The following APBA1 variants were observed in gnomAD, a reference collection of about 807,000 sequenced individuals.
The protein encoded by APBA1 is amyloid beta precursor protein binding family A member 1.
APBA1 carries 55 observed loss-of-function variants against 86.6 expected under a neutral mutation model. That is an observed-to-expected ratio of 0.64 (90% CI 0.51 to 0.80). The LOEUF (loss-of-function observed/expected upper bound fraction) is 0.80, where lower values mean the gene tolerates loss of function less well. Among genes scored for constraint, APBA1 ranks in the 30% least tolerant of loss-of-function variants. APBA1 has a pLI of 0.00. For missense variants in APBA1, 1,090 were observed against 1,183.0 expected, an observed-to-expected ratio of 0.92 and a Z score of 1.15; for synonymous variants, 511 against 493.9, an observed-to-expected ratio of 1.03 and a Z score of -0.46.
rs1834513904 is a variant in APBA1 at position 69,427,835 on chromosome 9, T to C, written c.*3492A>G. 2 of 152,184 alleles carry C rather than the reference T, an allele frequency of 1.3e-5. No homozygotes were observed. Among genetic ancestry groups the C allele is most frequent in the Middle Eastern group, 6.8e-3 (2 of 294 alleles). The allele number at this position is 152,184 out of a possible 1,614,324, so 9.4% of individuals were successfully genotyped here. On this transcript the variant is annotated 3_prime_UTR_variant, in exon 13 of 13. Coordinates refer to ENST00000265381, the MANE Select transcript of APBA1 (RefSeq NM_001163.4). ...ATACAAAGAACGATATTGTTACAAA[T>C]ACAATACTATACTTCTCCCGACACT...
chr9:69,565,809 T>C (rs139371478), intron 1 of APBA1, among the ~76,000 whole-genome samples: 264 of 152,310 alleles, frequency 1.7e-3, no homozygotes, highest in Middle Eastern at 0.01. Flanking sequence ...TCTCCTCCCC[T>C]GTCTTTGCTT....
chr9:69,449,976 C>A (rs1328802259), intron 9 of APBA1, among the ~76,000 whole-genome samples, 180 bp from the exon 10 acceptor site: 1 of 151,472 alleles, frequency 6.6e-6, no homozygotes, highest in African/African-American at 2.4e-5. Flanking sequence ...GAAATGAATT[C>A]ACACAGGTCT....
intron 1 of APBA1, among the ~76,000 whole-genome samples, chr9:69,542,484 C>CA (rs1160866815): frequency 6.6e-6 from 1 of 152,188 alleles, no homozygotes; most frequent in African/African-American, 2.4e-5. Context: ...AATAATATTT[C>CA]ATTGTATGGA....
chr9:69,602,389 G>T (rs1231600241), intron 1 of APBA1, among the ~76,000 whole-genome samples: 1 of 152,002 alleles, frequency 6.6e-6, no homozygotes, highest in Non-Finnish European at 1.5e-5. Flanking sequence ...GCCTAACATG[G>T]TGAAACCCCG....
intron 2 of APBA1, among the ~76,000 whole-genome samples, chr9:69,498,473 C>T (rs1425723285): frequency 2.0e-5 from 3 of 152,038 alleles, no homozygotes; most frequent in Non-Finnish European, 4.4e-5. Flanking sequence ...AAATTTGTTA[C>T]ACAGCAATAG....
chr9:69,658,282 T>TTCTTTC (rs1554709948), intron 1 of APBA1, among the ~76,000 whole-genome samples: 3,637 of 39,492 alleles, frequency 0.092, 206 homozygotes, highest in South Asian at 0.13. Context: ...CTTTCTTTCT[T>TTCTTTC]TCTCTCTCTC....
chr9:69,493,077 G>C (rs988248787), intron 2 of APBA1, among the ~76,000 whole-genome samples: 3 of 151,998 alleles, frequency 2.0e-5, no homozygotes, highest in African/African-American at 7.3e-5. Flanking sequence ...AAGAGCTCAT[G>C]AACTTCTTCA....
intron 2 of APBA1, among the ~76,000 whole-genome samples, chr9:69,489,493 C>G (rs1199320868): frequency 2.0e-5 from 3 of 152,064 alleles, no homozygotes; most frequent in African/African-American, 7.2e-5. Flanking sequence ...GGATTAAAGA[C>G]TTAAATGTTA....
At chr9:69,590,136 C>T (rs1345132677) in intron 1 of APBA1, among the ~76,000 whole-genome samples, 1 of 152,170 alleles carries the variant, frequency 6.6e-6, no homozygotes, top group Non-Finnish European at 1.5e-5. Context: ...GTGCTCATTC[C>T]TCTCTTCATT....
rs1012439301 is a variant in APBA1 at position 69,516,885 on chromosome 9, G to C, written c.326C>G (p.Ala109Gly). 2 of 1,594,380 alleles carry C rather than the reference G, an allele frequency of 1.3e-6. No individual in the cohort carries two copies. Among genetic ancestry groups the C allele is most frequent in the Admixed American group, 1.7e-5 (1 of 59,242 alleles). The part of the protein sequence containing the change: ...AARDGYDAER[A>G]QDPEDESAYA... ...GGCGCTCTCGTCCTCGGGGTCCTGC[G>C]CGCGCTCCGCATCGTAGCCGTCGCG... Residue 109 changes from alanine to glycine, a missense_variant, in exon 2 of 13, where the codon GCG (alanine) becomes GGG (glycine). By Grantham distance (60) the Ala-to-Gly change is moderately conservative. Around this residue, in one of 6 missense-constraint regions of APBA1, gnomAD observed 678 missense variants for 647.1 expected, o/e 1.05. Transcript: ENST00000265381. This position sits in a 1 kb window ranked among gnomAD's most constrained non-coding sequence, Gnocchi z 7.3.
At chr9:69,606,479 CTTTTTTTTTTTTTTT>C (rs35083481) in intron 1 of APBA1, among the ~76,000 whole-genome samples, 9 of 50,896 alleles carry the variant, frequency 1.8e-4, no homozygotes, top group East Asian at 1.6e-3. Flanking sequence ...AGGGAGCTAG[CTTTTTTTTTTTTTTT>C]TTTTTTTTTT....
chr9:69,658,234 TTC>T (rs1233055042), intron 1 of APBA1, among the ~76,000 whole-genome samples: 2 of 18,040 alleles, frequency 1.1e-4, no homozygotes, highest in Admixed American at 8.9e-4. Flanking sequence ...CTTTCTTTCT[TTC>T]TTTCTTTCTT....
intron 1 of APBA1, among the ~76,000 whole-genome samples, chr9:69,656,878 G>T (rs566971634): frequency 7.2e-6 from 1 of 138,636 alleles, no homozygotes; most frequent in South Asian, 2.2e-4. Flanking sequence ...TCGCTCTGTC[G>T]CCCAGGCCGG....
intron 11 of APBA1, among the ~76,000 whole-genome samples, chr9:69,435,791 T>C (rs1387875116): frequency 6.6e-6 from 1 of 152,196 alleles, no homozygotes; most frequent in African/African-American, 2.4e-5. Context: ...AGCTCTTGAG[T>C]TTAATTAGAT....
chr9:69,536,739 G>A (rs941348684), intron 1 of APBA1, among the ~76,000 whole-genome samples: 2 of 148,708 alleles, frequency 1.3e-5, no homozygotes, highest in African/African-American at 4.9e-5. Context: ...AATTAGACAG[G>A]CGTGTTCGCA....
In APBA1 at chr9:69,515,991, C is replaced by G. The variant is rs758089781; in HGVS notation, c.1200+20G>C. On this transcript the variant is annotated intron_variant, in intron 2 of 12. Coordinates refer to ENST00000265381, the MANE Select transcript of APBA1 (RefSeq NM_001163.4). Reference sequence around the variant, plus strand: ...TCCCACCGCGTGGGGCCGAGGAAGCCCAAACCCGCACCTACTTACATCTCC... The same window carrying G: ...TCCCACCGCGTGGGGCCGAGGAAGCGCAAACCCGCACCTACTTACATCTCC... 7 of 1,518,986 alleles carry G rather than the reference C, an allele frequency of 4.6e-6. No homozygotes were observed. The highest frequency in any genetic ancestry group is 6.2e-6 in the Non-Finnish European group (7 of 1,123,606). 94.1% of individuals were successfully genotyped at this position (1,518,986 alleles called of 1,614,324 possible).
intron 1 of APBA1, among the ~76,000 whole-genome samples, chr9:69,554,523 T>C (rs113961251): frequency 9.8e-5 from 15 of 152,308 alleles, no homozygotes; most frequent in African/African-American, 3.1e-4. Context: ...AAACCTCTAA[T>C]ATCTCCATTC....
rs756779658 is a variant in APBA1, at chr9:69,516,030, T to A, written c.1181A>T (p.Gln394Leu). 7.0e-6 allele frequency: 11 copies of A among 1,582,058 alleles called. No homozygotes were observed. The highest frequency in any genetic ancestry group is 1.4e-5 in the African/African-American group (1 of 73,130). ...DISPTRDCDDQRPMDGDSPSP... is the reference protein window; with the variant it reads ...DISPTRDCDDLRPMDGDSPSP... ...ACTTACATCTCCGTCCATCGGCCTCTGGTCGTCACAGTCCCTGGTGGGGCT... is the reference window on the plus strand; with the variant it reads ...ACTTACATCTCCGTCCATCGGCCTCAGGTCGTCACAGTCCCTGGTGGGGCT... The change falls in exon 2 of 13, where the codon CAG (glutamine) becomes CTG (leucine). Residue 394 changes from glutamine to leucine, a missense_variant. By Grantham distance (113) the Gln-to-Leu change is moderately radical. This residue lies in a region of APBA1 where 678 missense variants were observed against 647.1 expected (regional missense o/e 1.05). Coordinates refer to ENST00000265381, the MANE Select transcript of APBA1 (RefSeq NM_001163.4). This position sits in a 1 kb window ranked among gnomAD's most constrained non-coding sequence, Gnocchi z 7.3.
chr9:69,665,139 A>C (rs1823821117), intron 1 of APBA1, among the ~76,000 whole-genome samples: 1 of 152,178 alleles, frequency 6.6e-6, no homozygotes, highest in South Asian at 2.1e-4. Flanking sequence ...CTGAAGATTT[A>C]ATATCCCTAG....
Sources: gnomAD v4.1 joint callset for allele counts (sites outside exome capture counted in the v4.1 genomes callset) on GRCh38, gnomAD v4.1.1 for gene constraint, gnomAD v4.1.1 regional missense constraint, Gnocchi (gnomAD v3.1) non-coding constraint, MANE v1.5 for transcripts, NCBI Gene and HGNC (gene_info 2026-07-23, HGNC 2026-07-21) for gene names.